Variants in ANKRD36C observed in about 807,000 individuals in gnomAD.
ANKRD36C encodes ankyrin repeat domain-containing protein 36C.
In ANKRD36C, 61 loss-of-function variants were observed where a neutral mutation model predicts 276.4. That is an observed-to-expected ratio of 0.22 (90% CI 0.18 to 0.27). The LOEUF is 0.27. Among genes scored for constraint, ANKRD36C ranks in the 10% least tolerant of loss-of-function variants. The pLI is 1.00. For missense variants in ANKRD36C, 1,447 were observed against 2,032.3 expected, an observed-to-expected ratio of 0.71 and a Z score of 5.54; for synonymous variants, 483 against 680.1, an observed-to-expected ratio of 0.71 and a Z score of 4.51.
intron 19 of ANKRD36C, among the ~76,000 whole-genome samples, chr2:95,943,349 A>C (rs1049379770): frequency 1.3e-5 from 2 of 151,576 alleles, no homozygotes; most frequent in Non-Finnish European, 3.0e-5. Flanking sequence ...GCCGGGCGTG[A>C]TGGCGGGCGC....
At chr2:95,890,038 A>T (rs536483727) in intron 46 of ANKRD36C, 44 bp from the exon 67 acceptor site, 1 of 1,590,726 alleles carries the variant, frequency 6.3e-7, no homozygotes, top group Non-Finnish European at 8.6e-7. Flanking sequence ...CGTAAATATG[A>T]TAAAGTTATT....
At chr2:95,873,849 T>C (rs1675874293) in intron 59 of ANKRD36C, among the ~76,000 whole-genome samples, 1 of 152,212 alleles carries the variant, frequency 6.6e-6, no homozygotes, top group Non-Finnish European at 1.5e-5. Flanking sequence ...ACAAAATCAA[T>C]GTACAAAAAT....
intron 17 of ANKRD36C, among the ~76,000 whole-genome samples, chr2:95,946,922 G>T (rs991530416): frequency 2.6e-5 from 4 of 151,850 alleles, no homozygotes; most frequent in Admixed American, 6.6e-5. Flanking sequence ...GTGGGGGTAG[G>T]GGGGAGGGAT....
intron 60 of ANKRD36C, among the ~76,000 whole-genome samples, chr2:95,863,916 G>A (rs1012987865): frequency 6.6e-6 from 1 of 152,008 alleles, no homozygotes; most frequent in South Asian, 2.1e-4. Context: ...TTGTACATTT[G>A]TCCAAATCCA....
intron 14 of ANKRD36C, among the ~76,000 whole-genome samples, chr2:95,951,655 T>A (rs1055506534): frequency 6.6e-6 from 1 of 152,308 alleles, no homozygotes; most frequent in Non-Finnish European, 1.5e-5. Flanking sequence ...ACAAATACTA[T>A]GATATCCATT....
chr2:95,921,748 C>T (rs56791141), intron 33 of ANKRD36C, 34 bp downstream of exon 33: 584,421 of 1,593,066 alleles, frequency 0.37, 112,576 homozygotes, highest in East Asian at 0.63. Context: ...ACTATAGATT[C>T]ACTAGTTCAC....
Position 95,923,710 on chromosome 2 carries a change from A to G in ANKRD36C, c.2042-21T>C, listed in dbSNP as rs190860770. On this transcript the variant is annotated intron_variant, in intron 30 of 66. Coordinates refer to ENST00000456556, the Ensembl canonical transcript of ANKRD36C. ...AGACACTGAAAAGCAAAAGGGATAC[A>G]TAATCACTCATATGTAAATATGATA... 1.3e-3 allele frequency: 2,071 copies of G among 1,609,396 alleles called. 44 individuals carry two copies. The East Asian group carries it at 0.039, about 30-fold the overall frequency.
Position 95,962,418 on chromosome 2 carries a change from T to C in ANKRD36C, c.835A>G (p.Ser279Gly), listed in dbSNP as rs1266538579. 5.7e-6 allele frequency: 9 copies of C among 1,573,858 alleles called. No homozygotes were observed. The South Asian group carries it at 8.0e-5, about 14-fold the overall frequency. Residue 279 changes from serine to glycine, a missense_variant, in exon 8 of 67, where the codon AGT (serine) becomes GGT (glycine). Around this residue, in one of 13 missense-constraint regions of ANKRD36C, gnomAD observed 158 missense variants for 218.0 expected, o/e 0.72. Coordinates refer to ENST00000456556, the Ensembl canonical transcript of ANKRD36C. The stretch of plus-strand genomic sequence containing the variant: ...TTCGAGATAGAATCTTCCTTGCCAC[T>C]TGTAGCCTGAGTGGGATTTGAAACA...
intron 6 of ANKRD36C, among the ~76,000 whole-genome samples, chr2:95,974,949 C>T (rs1418298663): frequency 6.6e-6 from 1 of 151,666 alleles, no homozygotes; most frequent in African/African-American, 2.4e-5. Flanking sequence ...TGATGGTTTC[C>T]AGCTTTATCC....
chr2:95,906,505 A>C (rs1676762719), intron 42 of ANKRD36C, 126 bp downstream of exon 50: 1 of 298,850 alleles, frequency 3.3e-6, no homozygotes, highest in South Asian at 2.4e-5. Context: ...AACTTATTAG[A>C]AATGAAGAAT....
chr2:95,945,015 CA>C, intron 18 of ANKRD36C, 98 bp downstream of exon 18: 1 of 1,411,460 alleles, frequency 7.1e-7, no homozygotes, highest in South Asian at 1.3e-5. Context: ...CCAGCCTGGG[CA>C]ACATTGAGTA....
At chr2:95,882,397 T>C in intron 55 of ANKRD36C, 23 bp from the exon 76 acceptor site, 2 of 1,547,842 alleles carry the variant, frequency 1.3e-6, no homozygotes, top group Non-Finnish European at 1.7e-6. Context: ...AGAAACAAAA[T>C]AGTCAATACA....
At chr2:95,979,883 G>T (rs903158520) in intron 5 of ANKRD36C, among the ~76,000 whole-genome samples, 1 of 151,932 alleles carries the variant, frequency 6.6e-6, no homozygotes, top group Non-Finnish European at 1.5e-5. Context: ...AATTTGCTCC[G>T]TATGTATGTT....
intron 10 of ANKRD36C, among the ~76,000 whole-genome samples, chr2:95,959,894 A>C (rs1438751431): frequency 6.6e-6 from 1 of 152,178 alleles, no homozygotes; most frequent in Non-Finnish European, 1.5e-5. Context: ...CCAAAATCAA[A>C]TTTTCCTTTA....
At position 95,852,034 on chromosome 2, in the gene ANKRD36C, A is replaced by G. The variant is rs1675304553; in HGVS notation, c.5219+92T>C. ...AACTTTTTTGGCTTCACAAAGACAT[A>G]CTAATTATCATAACTGATACAATTT... is the stretch of plus-strand genomic sequence containing the variant. On this transcript the variant is annotated intron_variant, in intron 65 of 66. Transcript: ENST00000456556. 5.9e-6 allele frequency: 8 copies of G among 1,366,900 alleles called. No homozygotes were observed. In the South Asian group the frequency reaches 8.7e-5, roughly 15 times the overall value. 84.7% of individuals were successfully genotyped at this position (1,366,900 alleles called of 1,614,324 possible). A position where few individuals can be genotyped will look rare whatever the true frequency, so the allele number is the denominator to read the frequency against.
rs1228258536 is a variant in ANKRD36C at position 95,893,707 on chromosome 2, G to A, written c.2756-1847C>T. 24 of 1,605,586 alleles carry A rather than the reference G, an allele frequency of 1.5e-5. No homozygotes were observed. The Admixed American group carries it at 2.9e-4, about 19-fold the overall frequency. Reference sequence around the variant, plus strand: ...GAGAGTTTCATTACCTTCAAGGCTGGTGGTTTCTGAGAAGACACTGAAAAG... The same window carrying A: ...GAGAGTTTCATTACCTTCAAGGCTGATGGTTTCTGAGAAGACACTGAAAAG... On this transcript the variant is annotated intron_variant, in intron 44 of 66. Transcript: ENST00000456556.
At chr2:95,967,592 G>C (rs1185756334) in intron 6 of ANKRD36C, among the ~76,000 whole-genome samples, 1 of 152,002 alleles carries the variant, frequency 6.6e-6, no homozygotes, top group African/African-American at 2.4e-5. Context: ...ATTCCTCAAG[G>C]ATCTAGAACC....
intron 6 of ANKRD36C, among the ~76,000 whole-genome samples, chr2:95,970,138 T>C (rs1157162862): frequency 6.6e-6 from 1 of 152,190 alleles, no homozygotes; most frequent in Non-Finnish European, 1.5e-5. Context: ...TACTCTGTTC[T>C]ATGGCAAAAC....
chr2:95,906,606 C>T, intron 42 of ANKRD36C, 25 bp downstream of exon 50: 1 of 83,144 alleles, frequency 1.2e-5, no homozygotes, highest in South Asian at 5.6e-5. Flanking sequence ...CTGAACATGA[C>T]ATTAAATGTG....
Sources: allele counts gnomAD v4.1 joint callset (sites outside exome capture counted in the v4.1 genomes callset), GRCh38; gene constraint gnomAD v4.1.1; regional missense constraint gnomAD v4.1.1; transcripts MANE v1.5; gene names NCBI Gene and HGNC (gene_info 2026-07-23, HGNC 2026-07-21).